The following CNTN5 variants were observed in gnomAD, a reference collection of about 807,000 sequenced individuals.
CNTN5 encodes contactin-5.
CNTN5 carries 77 observed loss-of-function variants against 129.1 expected under a neutral mutation model. The ratio of observed to expected loss-of-function variants is 0.60; its 90% CI spans 0.50 to 0.72. The LOEUF is 0.72. Ranked by LOEUF, CNTN5 falls within the 30% of genes least tolerant of loss-of-function variation. The pLI, the probability that CNTN5 is intolerant of heterozygous loss-of-function variation, is 0.00. For synonymous variants in CNTN5, 509 were observed against 465.6 expected (o/e 1.09, Z -1.20); for missense variants, 1,478 against 1,328.8 (o/e 1.11, Z -1.75).
At chr11:100,091,988 G>A (rs931963134) in intron 13 of CNTN5, among the ~76,000 whole-genome samples, 1 of 152,068 alleles carries the variant, frequency 6.6e-6, no homozygotes, top group African/African-American at 2.4e-5. Context: ...TATGAGGAAT[G>A]AATGAGACAG....
intron 2 of CNTN5, among the ~76,000 whole-genome samples, chr11:99,544,583 T>G (rs1948229138): frequency 6.6e-6 from 1 of 152,210 alleles, no homozygotes; most frequent in South Asian, 2.1e-4. Context: ...ATTAAGAATT[T>G]TTAAAGCCAT....
chr11:100,095,432 T>C (rs1248345555), intron 13 of CNTN5, among the ~76,000 whole-genome samples: 3 of 152,142 alleles, frequency 2.0e-5, no homozygotes, highest in East Asian at 1.9e-4. Flanking sequence ...CACCTAGTGC[T>C]TATTTATATG....
chr11:99,259,433 T>C (rs1281410551), intron 1 of CNTN5, among the ~76,000 whole-genome samples: 1 of 151,928 alleles, frequency 6.6e-6, no homozygotes, highest in African/African-American at 2.4e-5. Context: ...ACAATTTACT[T>C]GTGTCTTCAT....
intron 3 of CNTN5, among the ~76,000 whole-genome samples, chr11:99,756,272 C>T (rs571885344): frequency 1.6e-4 from 25 of 152,138 alleles, no homozygotes; most frequent in South Asian, 4.1e-4. Context: ...AGAAAAGTTA[C>T]GATCAATTAT....
intron 3 of CNTN5, among the ~76,000 whole-genome samples, chr11:99,596,315 T>G (rs1368322308): frequency 6.6e-6 from 1 of 152,156 alleles, no homozygotes; most frequent in African/African-American, 2.4e-5. Context: ...TCATTGACTA[T>G]CCTACTAATA....
At chr11:100,122,510 C>T (rs1379260828) in intron 13 of CNTN5, among the ~76,000 whole-genome samples, 1 of 152,008 alleles carries the variant, frequency 6.6e-6, no homozygotes, top group Non-Finnish European at 1.5e-5. Context: ...TTTTTTATTC[C>T]ATTCAAGATG....
At chr11:100,017,967 G>A (rs1940924174) in intron 9 of CNTN5, among the ~76,000 whole-genome samples, 1 of 151,888 alleles carries the variant, frequency 6.6e-6, no homozygotes, top group Non-Finnish European at 1.5e-5. Flanking sequence ...AGACCATTTG[G>A]TTATTGTTTG....
At chr11:99,658,458 A>G (rs946474334) in intron 3 of CNTN5, among the ~76,000 whole-genome samples, 17 of 152,216 alleles carry the variant, frequency 1.1e-4, no homozygotes, top group Admixed American at 3.9e-4. Flanking sequence ...ATCTCAGGCA[A>G]TGTCTGATAA....
At chr11:100,324,175 A>C (rs1951747843) in intron 21 of CNTN5, among the ~76,000 whole-genome samples, 1 of 152,188 alleles carries the variant, frequency 6.6e-6, no homozygotes, top group Non-Finnish European at 1.5e-5. Context: ...ATACACTCTG[A>C]TTAGTAGCAG....
intron 1 of CNTN5, among the ~76,000 whole-genome samples, chr11:99,079,407 GA>G (rs1429770603): frequency 2.7e-5 from 4 of 150,746 alleles, no homozygotes; most frequent in Admixed American, 6.6e-5. Context: ...GCTATGGTTA[GA>G]AAAAAAAAGT....
rs75132957 is a variant in CNTN5 at position 100,022,519 on chromosome 11, A to C, written c.980+20383A>C. On this transcript the variant is annotated intron_variant, in intron 9 of 24. Transcript: ENST00000524871. Reference sequence around the variant, plus strand: ...CACATATTATAAAGCCCATAGTACAATGATACTATTTGTTTGACTTTAAAC... The same window carrying C: ...CACATATTATAAAGCCCATAGTACACTGATACTATTTGTTTGACTTTAAAC... Among the ~76,000 whole-genome samples the C allele has an allele frequency of 8.2e-3, 1,246 of 152,330 alleles. 13 individuals are homozygous for C. Among genetic ancestry groups the C allele is most frequent in the African/African-American group, 0.025 (1,058 of 41,574 alleles).
At chr11:100,058,420 C>T (rs1943327407) in intron 9 of CNTN5, among the ~76,000 whole-genome samples, 1 of 152,106 alleles carries the variant, frequency 6.6e-6, no homozygotes, top group African/African-American at 2.4e-5. Context: ...TATCCATAAA[C>T]AAACCATGAA....
intron 1 of CNTN5, among the ~76,000 whole-genome samples, chr11:99,056,663 G>T (rs1196864720): frequency 6.6e-6 from 1 of 151,980 alleles, no homozygotes; most frequent in East Asian, 1.9e-4. Flanking sequence ...CTAAGTTCAT[G>T]CCTCTAGGTC....
At chr11:99,964,194 T>A (rs559886922) in intron 8 of CNTN5, among the ~76,000 whole-genome samples, 1 of 152,172 alleles carries the variant, frequency 6.6e-6, no homozygotes, top group Admixed American at 6.5e-5. Flanking sequence ...CTTCCAACAC[T>A]ATGTTGAATA....
At chr11:99,209,516 G>T (rs1233543789) in intron 1 of CNTN5, among the ~76,000 whole-genome samples, 3 of 152,008 alleles carry the variant, frequency 2.0e-5, no homozygotes, top group Non-Finnish European at 2.9e-5. Context: ...TCATCAAGGG[G>T]ATGACACTAA....
chr11:99,229,876 GTCTA>G (rs1337896534), intron 1 of CNTN5, among the ~76,000 whole-genome samples: 2 of 151,788 alleles, frequency 1.3e-5, no homozygotes, highest in African/African-American at 4.8e-5. Context: ...AAGAGTATCT[GTCTA>G]TCTATCTGTC....
chr11:99,371,437 G>A (rs1437223729), intron 2 of CNTN5, among the ~76,000 whole-genome samples: 4 of 151,970 alleles, frequency 2.6e-5, no homozygotes, highest in Admixed American at 2.6e-4. Context: ...TGTACTTTGA[G>A]TAATGACTCA....
intron 3 of CNTN5, among the ~76,000 whole-genome samples, chr11:99,805,174 C>T (rs1248108175): frequency 1.3e-5 from 2 of 152,112 alleles, no homozygotes; most frequent in East Asian, 3.8e-4. Context: ...AGAAACATTA[C>T]TTTCATGGAA....
At chr11:99,400,209 TC>T (rs1330368433) in intron 2 of CNTN5, among the ~76,000 whole-genome samples, 1 of 152,032 alleles carries the variant, frequency 6.6e-6, no homozygotes, top group African/African-American at 2.4e-5. Context: ...AATCTTCTAC[TC>T]TCTATCTCCA....
Sources: gnomAD v4.1 joint callset for allele counts (sites outside exome capture counted in the v4.1 genomes callset) on GRCh38, gnomAD v4.1.1 for gene constraint, MANE v1.5 for transcripts, NCBI Gene and HGNC (gene_info 2026-07-23, HGNC 2026-07-21) for gene names.